Variants in SRSF2 observed in about 807,000 individuals in gnomAD.
SRSF2 encodes the protein serine/arginine-rich splicing factor 2.
Under a neutral mutation model 15.7 loss-of-function variants are expected in SRSF2, and 4 were observed. The ratio of observed to expected loss-of-function variants is 0.26; its 90% CI spans 0.13 to 0.58. The LOEUF (loss-of-function observed/expected upper bound fraction) is 0.58, where lower values mean the gene tolerates loss of function less well. Ranked by LOEUF, SRSF2 falls within the 20% of genes least tolerant of loss-of-function variation. SRSF2 has a pLI of 0.90. For synonymous variants in SRSF2, 192 were observed against 138.9 expected, an observed-to-expected ratio of 1.38 and a Z score of -2.69; for missense variants, 147 against 332.4, an observed-to-expected ratio of 0.44 and a Z score of 4.34.
chr17:76,735,405 GA>G (rs368597985), intron 2 of SRSF2: 145 of 164,068 alleles, frequency 8.8e-4, no homozygotes, highest in Middle Eastern at 4.7e-3. Context: ...GAAAAAAAAA[GA>G]AAAAAAAAAG....
In SRSF2 at chr17:76,737,235, T is replaced by A; in HGVS notation, c.-75A>T. ...GCTCTGGGCGGTGCGACGCCGCGCC[T>A]CTCAGGCAGTTGCCTTCCGCGTGGG... On this transcript the variant is annotated 5_prime_UTR_variant, in exon 1 of 3. Coordinates refer to ENST00000359995, the MANE Select transcript of SRSF2 (RefSeq NM_001195427.2). 6.9e-7 allele frequency: 1 copy of A among 1,459,416 alleles called. No homozygotes were observed. Among genetic ancestry groups the A allele is most frequent in the Non-Finnish European group, 9.1e-7 (1 of 1,100,272 alleles). The allele number at this position is 1,459,416 out of a possible 1,614,324, so 90.4% of individuals were successfully genotyped here.
chr17:76,735,930 T>G, intron 2 of SRSF2: 1 of 620,418 alleles, frequency 1.6e-6, no homozygotes, highest in Non-Finnish European at 2.9e-6. Flanking sequence ...ATAGTCATTT[T>G]CATTAATAGG....
In SRSF2 at chr17:76,736,479, A is replaced by G; in HGVS notation, c.363-15T>C. On this transcript the variant is annotated splice_polypyrimidine_tract_variant and intron_variant, in intron 1 of 2. Coordinates refer to ENST00000359995, the MANE Select transcript of SRSF2 (RefSeq NM_001195427.2). ...GCCGCCTAGGGCTGCGGGCGGGACG[A>G]GCAAGCACAGCGGGGTTAATTCCAG... The G allele has an allele frequency of 6.2e-7, 1 of 1,607,554 alleles. No individual in the cohort carries two copies. The highest frequency in any genetic ancestry group is 8.5e-7 in the Non-Finnish European group (1 of 1,179,696).
Position 76,736,436 on chromosome 17 carries a change from G to C in SRSF2, c.391C>G (p.Arg131Gly). The change falls in exon 2 of 3, where the codon CGG (arginine) becomes GGG (glycine). Residue 131 changes from arginine (R) to glycine (G), a missense_variant. Arg to Gly is a moderately radical substitution (Grantham distance 125, BLOSUM62 -2). Transcript: ENST00000359995. ...CGAGACCTGGAACGACTCCGACTCCGGGATCGGCTGCGGCGACGCCGCCTA... is the reference window on the plus strand; with the variant it reads ...CGAGACCTGGAACGACTCCGACTCCCGGATCGGCTGCGGCGACGCCGCCTA... ...SPRRRRRSRS[R>G]SRSRSRSRSR... 1.2e-6 allele frequency: 2 copies of C among 1,613,024 alleles called. No individual in the cohort carries two copies. Among genetic ancestry groups the C allele is most frequent in the South Asian group, 1.1e-5 (1 of 91,078 alleles).
At chr17:76,735,953 T>A (rs972194048) in intron 2 of SRSF2, 2 of 623,616 alleles carry the variant, frequency 3.2e-6, no homozygotes, top group Admixed American at 2.8e-5. Flanking sequence ...TCAAACAGTT[T>A]ACGAAACAGC....
chr17:76,736,454 G>T lies in SRSF2; in HGVS notation c.373C>A (p.Arg125Ser). Residue 125 changes from arginine to serine, a missense_variant, in exon 2 of 3, where the codon CGT (arginine) becomes AGT (serine). Physicochemically the swap from Arg to Ser is moderately radical, Grantham distance 110. Coordinates refer to ENST00000359995, the MANE Select transcript of SRSF2 (RefSeq NM_001195427.2). ...YGRRSRSPRR[R>S]RRSRSRSRSR... ...CGACTCCGGGATCGGCTGCGGCGACGCCGCCTAGGGCTGCGGGCGGGACGA... is the reference window on the plus strand; with the variant it reads ...CGACTCCGGGATCGGCTGCGGCGACTCCGCCTAGGGCTGCGGGCGGGACGA... The T allele has an allele frequency of 6.2e-7, 1 of 1,611,392 alleles. No individual in the cohort carries two copies.
Position 76,735,140 on chromosome 17 carries a change from A to C in SRSF2, c.*26T>G, listed in dbSNP as rs751695900. 59 of 219,352 alleles carry C rather than the reference A, an allele frequency of 2.7e-4. No individual in the cohort carries two copies. In the Middle Eastern group the frequency reaches 0.013, roughly 48 times the overall value. 13.6% of individuals were successfully genotyped at this position (219,352 alleles called of 1,614,324 possible). Reference sequence around the variant, plus strand: ...TCCTTTTTCCCCAAGTCCTCCGTTTACACTGCTTGCCGATACATCTAGGTT... The same window carrying C: ...TCCTTTTTCCCCAAGTCCTCCGTTTCCACTGCTTGCCGATACATCTAGGTT... On this transcript the variant is annotated 3_prime_UTR_variant, in exon 3 of 3. Transcript: ENST00000359995.
rs1173858163 is a variant in SRSF2 at position 76,734,872 on chromosome 17, A to T, written c.*294T>A. 1 of 239,502 alleles carries T rather than the reference A, an allele frequency of 4.2e-6. No individual in the cohort carries two copies. The highest frequency in any genetic ancestry group is 8.8e-6 in the Non-Finnish European group (1 of 113,096). 14.8% of individuals were successfully genotyped at this position (239,502 alleles called of 1,614,324 possible). A position where few individuals can be genotyped will look rare whatever the true frequency, so the allele number is the denominator to read the frequency against. ...AATCTGTTTAATTTCAAACAAAAAA[A>T]GTCAGCACTATATAACAAAATGAAA... On this transcript the variant is annotated 3_prime_UTR_variant, in exon 3 of 3. Coordinates refer to ENST00000359995, the MANE Select transcript of SRSF2 (RefSeq NM_001195427.2).
rs1250952885 is a variant in SRSF2 at position 76,734,813 on chromosome 17, C to T, written c.*353G>A. On this transcript the variant is annotated 3_prime_UTR_variant, in exon 3 of 3. Transcript: ENST00000359995. Reference sequence around the variant, plus strand: ...TGTGTGTAATGGCTGCACACGTTTTCCTTAAAAGTCAGGAGGCCACAAATT... The same window carrying T: ...TGTGTGTAATGGCTGCACACGTTTTTCTTAAAAGTCAGGAGGCCACAAATT... 4.2e-6 allele frequency: 1 copy of T among 239,218 alleles called. No individual in the cohort carries two copies. The highest frequency in any genetic ancestry group is 2.2e-5 in the African/African-American group (1 of 44,806). The allele number at this position is 239,218 out of a possible 1,614,324, so 14.8% of individuals were successfully genotyped here.
rs1229872523 is a variant in SRSF2, at chr17:76,736,793, G to C, written c.362+6C>G. 2.6e-6 allele frequency: 4 copies of C among 1,542,826 alleles called. No individual in the cohort carries two copies. In the East Asian group the frequency reaches 7.1e-5, roughly 27 times the overall value. On this transcript the variant is annotated splice_donor_region_variant and intron_variant, in intron 1 of 2. Transcript: ENST00000359995. ...CGCCTCCCGCGGTCCCCTCAGCCCC[G>C]TTTACCTGCGGCTCCGGCGTCCGTA...
At chr17:76,735,473 G>C (rs1284483515) in intron 2 of SRSF2, 1 of 226,728 alleles carries the variant, frequency 4.4e-6, no homozygotes, top group Non-Finnish European at 8.8e-6. Context: ...ATTTCATTAA[G>C]ATAAATTGTT....
In SRSF2 at chr17:76,734,633, G is replaced by A. The variant is rs1035896959; in HGVS notation, c.*533C>T. The A allele has an allele frequency of 8.7e-6, 2 of 229,056 alleles. No individual in the cohort carries two copies. Among genetic ancestry groups the A allele is most frequent in the Non-Finnish European group, 1.8e-5 (2 of 113,986 alleles). The allele number at this position is 229,056 out of a possible 1,614,324, so 14.2% of individuals were successfully genotyped here. A position where few individuals can be genotyped will look rare whatever the true frequency, so the allele number is the denominator to read the frequency against. ...ATAAACAATCCTTTCAAAAAATCAA[G>A]TCTTTTCACCTGAAAAGTCTTTATA... On this transcript the variant is annotated 3_prime_UTR_variant, in exon 3 of 3. Coordinates refer to ENST00000359995, the MANE Select transcript of SRSF2 (RefSeq NM_001195427.2).
rs1253583879 is a variant in SRSF2 at position 76,734,401 on chromosome 17, T to TTGTC, written c.*761_*764dup. The stretch of plus-strand genomic sequence containing the variant: ...AAGGCCCGGGTGACTGGAAGTGCAG[T>TTGTC]TGTCAGGCATTTTAATAAACTGGAC... On this transcript the variant is annotated 3_prime_UTR_variant, in exon 3 of 3. Transcript: ENST00000359995. The TTGTC allele has an allele frequency of 1.2e-5, 3 of 242,786 alleles. No individual in the cohort carries two copies. Among genetic ancestry groups the TTGTC allele is most frequent in the Non-Finnish European group, 2.6e-5 (3 of 115,254 alleles). The allele number at this position is 242,786 out of a possible 1,614,324, so 15.0% of individuals were successfully genotyped here.
rs1598433938 is a variant in SRSF2, at chr17:76,736,942, A to G, written c.219T>C (p.Asp73=). 1.2e-6 allele frequency: 2 copies of G among 1,613,280 alleles called. No individual in the cohort carries two copies. The highest frequency in any genetic ancestry group is 1.1e-5 in the South Asian group (1 of 91,084). ...HDKRDAEDAM[D]AMDGAVLDGR... is the part of the protein sequence containing the mutation. ...CGTCCAGCACGGCCCCGTCCATGGCATCCATAGCGTCCTCAGCGTCGCGCT... is the reference window on the plus strand; with the variant it reads ...CGTCCAGCACGGCCCCGTCCATGGCGTCCATAGCGTCCTCAGCGTCGCGCT... The change falls in exon 1 of 3, where the codon GAT becomes GAC. Residue 73 remains aspartate, a synonymous_variant. Coordinates refer to ENST00000359995, the MANE Select transcript of SRSF2 (RefSeq NM_001195427.2).
intron 1 of SRSF2, 132 bp from the exon 2 acceptor site, chr17:76,736,596 C>G (rs750478335): frequency 2.6e-6 from 3 of 1,171,798 alleles, no homozygotes; most frequent in Non-Finnish European, 3.4e-6. Flanking sequence ...GCGGGGTCCT[C>G]CGCCCCGCGC....
intron 1 of SRSF2, 112 bp downstream of exon 1, chr17:76,736,687 C>A (rs1208667575): frequency 7.1e-6 from 9 of 1,275,004 alleles, no homozygotes; most frequent in African/African-American, 4.7e-5. Context: ...GCGGCGTGCA[C>A]CCCCGCCCCG....
chr17:76,735,964 CATT>C (rs1318856888), intron 2 of SRSF2, 187 bp downstream of exon 2: 25 of 629,708 alleles, frequency 4.0e-5, no homozygotes, highest in Non-Finnish European at 6.4e-5. Flanking sequence ...ACGAAACAGC[CATT>C]ATTATCTAAG....
chr17:76,737,310 C>A lies in SRSF2; in HGVS notation c.-150G>T, dbSNP rs542438039. On this transcript the variant is annotated 5_prime_UTR_variant, in exon 1 of 3. Transcript: ENST00000359995. ...GAACAGCACGGACGGGCTCCGCAGG[C>A]TAGCGCACCTGAGTAACAACTGGGC... is the stretch of plus-strand genomic sequence containing the variant. 7.1e-6 allele frequency: 8 copies of A among 1,126,106 alleles called. No homozygotes were observed. Among genetic ancestry groups the A allele is most frequent in the African/African-American group, 1.6e-5 (1 of 63,288 alleles). The allele number at this position is 1,126,106 out of a possible 1,614,324, so 69.8% of individuals were successfully genotyped here.
Position 76,737,252 on chromosome 17 carries a change from C to A in SRSF2, c.-92G>T, listed in dbSNP as rs1005592823. On this transcript the variant is annotated 5_prime_UTR_variant, in exon 1 of 3. Coordinates refer to ENST00000359995, the MANE Select transcript of SRSF2 (RefSeq NM_001195427.2). ...GCCGCGCCTCTCAGGCAGTTGCCTT[C>A]CGCGTGGGGACACTGGGAAAGGCCT... The A allele has an allele frequency of 5.5e-6, 8 of 1,442,788 alleles. No homozygotes were observed. In the South Asian group the frequency reaches 7.1e-5, roughly 13 times the overall value. 89.4% of individuals were successfully genotyped at this position (1,442,788 alleles called of 1,614,324 possible).
Sources: gnomAD v4.1 joint callset for allele counts on GRCh38, gnomAD v4.1.1 for gene constraint, MANE v1.5 for transcripts, NCBI Gene and HGNC (gene_info 2026-07-23, HGNC 2026-07-21) for gene names.